CSMD1: variants seen among roughly 807,000 people sequenced by gnomAD.
The protein encoded by CSMD1 is CUB and Sushi multiple domains 1.
A neutral mutation model predicts 417.5 loss-of-function variants in CSMD1; 213 were observed. The ratio of observed to expected loss-of-function variants is 0.51; its 90% CI spans 0.46 to 0.57. The LOEUF (loss-of-function observed/expected upper bound fraction) is 0.57. Ranked by LOEUF, CSMD1 falls within the 20% of genes least tolerant of loss-of-function variation. The pLI is 0.00. For missense variants in CSMD1, 6,923 were observed against 4,529.7 expected, an observed-to-expected ratio of 1.53 and a Z score of -15.17; for synonymous variants, 2,862 against 1,736.8, an observed-to-expected ratio of 1.65 and a Z score of -16.11.
At chr8:3,095,507 T>C (rs770578360) in intron 47 of CSMD1, among the ~76,000 whole-genome samples, 1 of 152,200 alleles carries the variant, frequency 6.6e-6, no homozygotes, top group African/African-American at 2.4e-5. Flanking sequence ...TGCTTCTATA[T>C]ACAAAAATGT....
At chr8:3,590,349 A>C (rs1054587860) in intron 8 of CSMD1, among the ~76,000 whole-genome samples, 1 of 152,170 alleles carries the variant, frequency 6.6e-6, no homozygotes, top group Admixed American at 6.5e-5. Context: ...GGCTGTTTCT[A>C]TTAGACCGTT....
chr8:4,370,467 G>A (rs530467687), intron 3 of CSMD1, among the ~76,000 whole-genome samples: 8 of 152,092 alleles, frequency 5.3e-5, no homozygotes, highest in Non-Finnish European at 1.2e-4. Context: ...TGAATTTCTT[G>A]CATTTGCATG....
intron 15 of CSMD1, among the ~76,000 whole-genome samples, chr8:3,402,899 G>A (rs550205217): frequency 1.1e-4 from 17 of 151,866 alleles, no homozygotes; most frequent in Non-Finnish European, 1.6e-4. Flanking sequence ...CTACGTTAGA[G>A]GACTTAAAGA....
chr8:3,492,222 T>C (rs1223409457), intron 11 of CSMD1, among the ~76,000 whole-genome samples: 1 of 152,128 alleles, frequency 6.6e-6, no homozygotes, highest in African/African-American at 2.4e-5. Flanking sequence ...TGGAGTGTTA[T>C]TTCCCCAAGC....
intron 1 of CSMD1, among the ~76,000 whole-genome samples, chr8:4,734,576 A>G (rs1563249403): frequency 6.6e-6 from 1 of 152,196 alleles, no homozygotes; most frequent in Non-Finnish European, 1.5e-5. Context: ...TGGGTATTAA[A>G]TTATATGCTG....
rs760333220 is a variant in CSMD1 at position 4,023,753 on chromosome 8, ATTTTTTTTTTTTTTTT to A, written c.610+8136_610+8151del. 1.4e-3 allele frequency among the ~76,000 whole-genome samples: 72 copies of A among 50,130 alleles called. 1 individual carries two copies. Among genetic ancestry groups the A allele is most frequent in the Non-Finnish European group, 1.7e-3 (49 of 28,934 alleles). 32.9% of individuals were successfully genotyped at this position (50,130 alleles called of 152,430 possible). ...AAGCGCCCACCGCTACGCTCGGCTA[ATTTTTTTTTTTTTTTT>A]TTTTTTTTTTTTTTTGTGTGTGTAT... On this transcript the variant is annotated intron_variant, in intron 4 of 69. Transcript: ENST00000635120.
chr8:4,431,628 G>T (rs887003843), intron 2 of CSMD1, among the ~76,000 whole-genome samples: 7 of 151,956 alleles, frequency 4.6e-5, no homozygotes, highest in Admixed American at 3.9e-4. Context: ...ACGAAAAACA[G>T]ACAAACAAAA....
At chr8:3,451,269 T>C (rs1350557599) in intron 12 of CSMD1, among the ~76,000 whole-genome samples, 5 of 152,220 alleles carry the variant, frequency 3.3e-5, no homozygotes, top group Non-Finnish European at 7.3e-5. Context: ...GTAGGATGCC[T>C]GTTCACTCTG....
At chr8:3,593,064 C>T (rs989124690) in intron 8 of CSMD1, among the ~76,000 whole-genome samples, 3 of 152,114 alleles carry the variant, frequency 2.0e-5, no homozygotes, top group Non-Finnish European at 2.9e-5. Context: ...GGGGTCCTGC[C>T]CAGTGAGAAG....
intron 2 of CSMD1, among the ~76,000 whole-genome samples, chr8:4,545,874 C>T (rs78956158): frequency 0.018 from 2,693 of 152,256 alleles, 74 homozygotes; most frequent in African/African-American, 0.062. Flanking sequence ...TGTCCTCTAT[C>T]CCCTATATTT....
intron 1 of CSMD1, chr8:4,787,296 A>T: frequency 1.5e-6 from 1 of 685,418 alleles, no homozygotes; most frequent in Non-Finnish European, 2.7e-6. Flanking sequence ...TGCCTCACTT[A>T]CCGGCGCGGT....
chr8:4,685,856 AAG>A (rs1184026237), intron 1 of CSMD1, among the ~76,000 whole-genome samples: 4 of 152,208 alleles, frequency 2.6e-5, no homozygotes, highest in South Asian at 2.1e-4. Flanking sequence ...GGTTTGCTAA[AAG>A]AGAGGTTGAT....
At chr8:3,787,559 T>C (rs1799512832) in intron 5 of CSMD1, among the ~76,000 whole-genome samples, 1 of 152,178 alleles carries the variant, frequency 6.6e-6, no homozygotes, top group Non-Finnish European at 1.5e-5. Flanking sequence ...GGTAAGAAGA[T>C]ACAGATTTTC....
intron 5 of CSMD1, among the ~76,000 whole-genome samples, chr8:3,773,207 T>G (rs1798711406): frequency 1.3e-5 from 2 of 152,340 alleles, no homozygotes; most frequent in South Asian, 4.1e-4. Context: ...CGATGGCATG[T>G]ACTCACATAA....
chr8:4,448,341 T>C lies in CSMD1; in HGVS notation c.303-28276A>G, dbSNP rs189442079. On this transcript the variant is annotated intron_variant, in intron 2 of 69. Transcript: ENST00000635120. ...AGGAGGATTTTTAATTTAAAAAGCCTTCTGCACTAACTCAATTAACAGGGA... is the reference window on the plus strand; with the variant it reads ...AGGAGGATTTTTAATTTAAAAAGCCCTCTGCACTAACTCAATTAACAGGGA... 1.2e-3 allele frequency among the ~76,000 whole-genome samples: 182 copies of C among 152,342 alleles called. 1 individual carries two copies. Among genetic ancestry groups the C allele is most frequent in the African/African-American group, 4.3e-3 (179 of 41,592 alleles).
At chr8:3,509,488 T>C (rs1053442552) in intron 10 of CSMD1, among the ~76,000 whole-genome samples, 1 of 152,226 alleles carries the variant, frequency 6.6e-6, no homozygotes, top group African/African-American at 2.4e-5. Context: ...CTATTTTTCA[T>C]TTCAGCTTCC....
intron 12 of CSMD1, among the ~76,000 whole-genome samples, chr8:3,421,233 T>C (rs916320117): frequency 1.3e-5 from 2 of 152,176 alleles, no homozygotes; most frequent in African/African-American, 4.8e-5. Flanking sequence ...CATTAAAGTA[T>C]AAAAGGTGGT....
rs149852985 is a variant in CSMD1, at chr8:4,768,683, C to T, written c.86-131125G>A. On this transcript the variant is annotated intron_variant, in intron 1 of 69. Coordinates refer to ENST00000635120, the MANE Select transcript of CSMD1 (RefSeq NM_033225.6). Reference sequence around the variant, plus strand: ...CACAGATGGGAGGGAAAGGTGTTGGCGTTCCCAAACACTTACCCGAGGCAC... The same window carrying T: ...CACAGATGGGAGGGAAAGGTGTTGGTGTTCCCAAACACTTACCCGAGGCAC... Among the ~76,000 whole-genome samples the T allele has an allele frequency of 9.3e-3, 1,415 of 152,202 alleles. 21 individuals are homozygous for T. Among genetic ancestry groups the T allele is most frequent in the African/African-American group, 0.033 (1,364 of 41,536 alleles).
At chr8:2,955,451 G>C in intron 64 of CSMD1, 138 bp downstream of exon 64, 1 of 719,236 alleles carries the variant, frequency 1.4e-6, no homozygotes, top group Non-Finnish European at 2.3e-6. Flanking sequence ...CGCACATGAA[G>C]CACGACTGAG....
Sources: gnomAD v4.1 joint callset for allele counts (sites outside exome capture counted in the v4.1 genomes callset) on GRCh38, gnomAD v4.1.1 for gene constraint, MANE v1.5 for transcripts, NCBI Gene and HGNC (gene_info 2026-07-23, HGNC 2026-07-21) for gene names.